The following CCDC146 variants were observed in gnomAD, a reference collection of about 807,000 sequenced individuals.
CCDC146 encodes the protein coiled-coil domain-containing protein 146.
In CCDC146, 92 loss-of-function variants were observed where a neutral mutation model predicts 119.3. The observed-to-expected ratio is 0.77, with a 90% CI of 0.65 to 0.92. CCDC146 has a LOEUF of 0.92. CCDC146 is among the 40% of genes least tolerant of loss of function. The pLI is 0.00. For synonymous variants in CCDC146, 372 were observed against 371.8 expected (o/e 1.00, Z -0.01); for missense variants, 1,000 against 1,103.0 (o/e 0.91, Z 1.32).
chr7:77,198,450 G>A (rs774676440), intron 2 of CCDC146: 2 of 239,116 alleles, frequency 8.4e-6, no homozygotes, highest in Non-Finnish European at 1.4e-5. Flanking sequence ...TGGAGTAGGC[G>A]ATTAAGTCTG....
intron 4 of CCDC146, chr7:77,242,325 A>C (rs1168674137): frequency 3.1e-6 from 3 of 967,728 alleles, no homozygotes; most frequent in African/African-American, 1.8e-5. Flanking sequence ...GCTGAGGGTC[A>C]CATGTCATCT....
intron 2 of CCDC146, among the ~76,000 whole-genome samples, chr7:77,221,152 A>T (rs1792396527): frequency 6.6e-6 from 1 of 152,164 alleles, no homozygotes; most frequent in South Asian, 2.1e-4. Context: ...TATACCATTC[A>T]TAAAGGATCC....
At chr7:77,149,997 A>T (rs1389015573) in intron 1 of CCDC146, among the ~76,000 whole-genome samples, 1 of 151,920 alleles carries the variant, frequency 6.6e-6, no homozygotes, top group African/African-American at 2.4e-5. Context: ...AATTGTATAT[A>T]TATGCAAAAA....
intron 3 of CCDC146, 66 bp downstream of exon 3, chr7:77,237,095 T>C (rs760193767): frequency 7.8e-7 from 1 of 1,274,630 alleles, no homozygotes; most frequent in Admixed American, 1.8e-5. Context: ...TGATGAGACC[T>C]GTCTTCATTT....
intron 9 of CCDC146, among the ~76,000 whole-genome samples, chr7:77,270,339 T>A (rs1431497440): frequency 6.6e-6 from 1 of 151,976 alleles, no homozygotes; most frequent in Non-Finnish European, 1.5e-5. Context: ...TTTTTTTTAC[T>A]TTACACATTT....
chr7:77,147,234 T>C (rs1290277566), intron 1 of CCDC146, among the ~76,000 whole-genome samples: 2 of 152,244 alleles, frequency 1.3e-5, no homozygotes, highest in Non-Finnish European at 1.5e-5. Flanking sequence ...CATCATGTAG[T>C]TCTCATGCCA....
Position 77,253,103 on chromosome 7 carries a change from C to A in CCDC146, c.450-1403C>A, listed in dbSNP as rs117048013. Among the ~76,000 whole-genome samples the A allele has an allele frequency of 6.3e-3, 963 of 152,158 alleles. 66 individuals carry two copies. In the East Asian group the frequency reaches 0.15, roughly 23 times the overall value. On this transcript the variant is annotated intron_variant, in intron 4 of 18. Coordinates refer to ENST00000285871, the MANE Select transcript of CCDC146 (RefSeq NM_020879.3). ...AGAAGTGTAGACAAGGTGTGCCCAC[C>A]TGGACTGCTTATGAGTTCATGCCAC...
At chr7:77,146,151 C>A (rs1220630376) in intron 1 of CCDC146, among the ~76,000 whole-genome samples, 7 of 151,908 alleles carry the variant, frequency 4.6e-5, no homozygotes, top group African/African-American at 7.3e-5. Flanking sequence ...TTGAATTGAT[C>A]CCTTTACCAT....
chr7:77,259,091 T>G (rs1562851227), intron 7 of CCDC146, 23 bp downstream of exon 7: 2 of 1,419,842 alleles, frequency 1.4e-6, no homozygotes, highest in Non-Finnish European at 2.0e-6. Context: ...ATTTTTACTT[T>G]GAATCCCTGC....
At chr7:77,257,128 C>G (rs748899434) in intron 6 of CCDC146, 3 of 153,028 alleles carry the variant, frequency 2.0e-5, no homozygotes, top group African/African-American at 7.3e-5. Context: ...AACAACAAAA[C>G]GCACACACAC....
chr7:77,131,649 T>C (rs1344150211), intron 1 of CCDC146, among the ~76,000 whole-genome samples: 2 of 152,140 alleles, frequency 1.3e-5, no homozygotes, highest in African/African-American at 2.4e-5. Context: ...ACCTGGGAGG[T>C]AGAGGTTGCA....
intron 2 of CCDC146, among the ~76,000 whole-genome samples, chr7:77,224,825 A>G (rs917900562): frequency 2.6e-5 from 4 of 152,212 alleles, no homozygotes; most frequent in African/African-American, 9.6e-5. Flanking sequence ...GGCAGCATGC[A>G]GGACAGACTC....
In CCDC146 at chr7:77,196,913, ACT is replaced by A. The variant is rs1791883297; in HGVS notation, c.156+29092_156+29093del. On this transcript the variant is annotated intron_variant, in intron 2 of 18. Transcript: ENST00000285871. The surrounding 1 kb of genome is among the most constrained non-coding windows in gnomAD (Gnocchi z 4.2). ...GCTACTATTTTTGGGATCAGGTGTA[ACT>A]CTGTAGGTCTCACTGCTTCTTTTGC... is the stretch of plus-strand genomic sequence containing the variant. 1 of 1,613,590 alleles carries A rather than the reference ACT, an allele frequency of 6.2e-7. No homozygotes were observed. Among genetic ancestry groups the A allele is most frequent in the East Asian group, 2.2e-5 (1 of 44,872 alleles).
rs142301401 is a variant in CCDC146 at position 77,237,613 on chromosome 7, T to C, written c.239+584T>C. 7.6e-3 allele frequency among the ~76,000 whole-genome samples: 1,150 copies of C among 152,158 alleles called. 13 individuals are homozygous for C. Among genetic ancestry groups the C allele is most frequent in the African/African-American group, 0.026 (1,087 of 41,502 alleles). On this transcript the variant is annotated intron_variant, in intron 3 of 18. Transcript: ENST00000285871. Reference sequence around the variant, plus strand: ...CCCGTGTCTGTTCATCACTCAGAGGTGTAGATTCTCCAACAACCCCAGCTT... The same window carrying C: ...CCCGTGTCTGTTCATCACTCAGAGGCGTAGATTCTCCAACAACCCCAGCTT...
At chr7:77,235,721 A>T (rs1272738836) in intron 2 of CCDC146, among the ~76,000 whole-genome samples, 1 of 152,184 alleles carries the variant, frequency 6.6e-6, no homozygotes, top group South Asian at 2.1e-4. Context: ...TTGAGAGATG[A>T]TGAGACTTGG....
At chr7:77,234,472 C>T (rs367689593) in intron 2 of CCDC146, among the ~76,000 whole-genome samples, 73 of 152,330 alleles carry the variant, frequency 4.8e-4, no homozygotes, top group East Asian at 7.7e-4. Flanking sequence ...CAGTGGCTCA[C>T]GCCTGTAATC....
chr7:77,207,516 C>T (rs1175423210), intron 2 of CCDC146, among the ~76,000 whole-genome samples: 1 of 151,990 alleles, frequency 6.6e-6, no homozygotes, highest in African/African-American at 2.4e-5. Flanking sequence ...ATTGCTATTG[C>T]ACAAGAAAAC....
At chr7:77,149,293 G>C (rs1335505825) in intron 1 of CCDC146, among the ~76,000 whole-genome samples, 1 of 152,180 alleles carries the variant, frequency 6.6e-6, no homozygotes, top group East Asian at 1.9e-4. Context: ...AACTGAAACT[G>C]GATCCCTTCC....
rs533803012 is a variant in CCDC146, at chr7:77,152,830, A to G, written c.-11-14828A>G. Among the ~76,000 whole-genome samples, 10 of 152,314 alleles carry G rather than the reference A, an allele frequency of 6.6e-5. No individual in the cohort carries two copies. The East Asian group carries it at 1.9e-3, about 29-fold the overall frequency. Reference sequence around the variant, plus strand: ...TTGTGAAAATAACGTAAGGTACATTATGTATGAAATAAAAAGAACAAGGCA... The same window carrying G: ...TTGTGAAAATAACGTAAGGTACATTGTGTATGAAATAAAAAGAACAAGGCA... On this transcript the variant is annotated intron_variant, in intron 1 of 18. Coordinates refer to ENST00000285871, the MANE Select transcript of CCDC146 (RefSeq NM_020879.3).
Sources: allele counts gnomAD v4.1 joint callset (sites outside exome capture counted in the v4.1 genomes callset), GRCh38; gene constraint gnomAD v4.1.1; non-coding constraint Gnocchi (gnomAD v3.1); transcripts MANE v1.5; gene names NCBI Gene and HGNC (gene_info 2026-07-23, HGNC 2026-07-21).